SUMF1: variants seen among roughly 807,000 people sequenced by gnomAD.
SUMF1 encodes the protein formylglycine-generating enzyme.
A neutral mutation model predicts 47.6 loss-of-function variants in SUMF1; 48 were observed. The observed-to-expected ratio is 1.01, with a 90% confidence interval of 0.80 to 1.28. The LOEUF (loss-of-function observed/expected upper bound fraction) is 1.28. SUMF1 is among the 50% of genes most tolerant of loss of function. The pLI is 0.00. For missense variants in SUMF1, 571 were observed against 485.4 expected (o/e 1.18, Z -1.66); for synonymous variants, 230 against 192.1 (o/e 1.20, Z -1.63).
At chr3:4,313,636 C>A in intron 8 of SUMF1, 1 of 1,614,042 alleles carries the variant, frequency 6.2e-7, no homozygotes, top group Non-Finnish European at 8.5e-7. Flanking sequence ...TGCTTTCCTG[C>A]CTTTTGACAG....
chr3:4,126,846 G>A lies in SUMF1; in HGVS notation c.1015-58101C>T, dbSNP rs372068395. 9.5e-4 allele frequency among the ~76,000 whole-genome samples: 144 copies of A among 152,228 alleles called. 2 individuals are homozygous for A. The highest frequency in any genetic ancestry group is 1.5e-3 in the Non-Finnish European group (103 of 68,014). ...CTATCAAGAGTAACTCAATGAAAGC[G>A]GCAGTAGTCTTACCTACTTTCAATC... is the stretch of plus-strand genomic sequence containing the variant. On this transcript the variant is annotated intron_variant and NMD_transcript_variant, in intron 8 of 12. Coordinates refer to the SUMF1 transcript ENST00000448413.
intron 9 of SUMF1, among the ~76,000 whole-genome samples, chr3:4,042,655 A>T (rs772137128): frequency 5.3e-5 from 8 of 152,024 alleles, no homozygotes; most frequent in Non-Finnish European, 1.2e-4. Flanking sequence ...CTCCCTGAGT[A>T]CTCATATGGG....
chr3:4,036,994 T>C (rs1319391661), intron 9 of SUMF1, among the ~76,000 whole-genome samples: 2 of 151,896 alleles, frequency 1.3e-5, no homozygotes, highest in African/African-American at 4.8e-5. Context: ...GGTTCCAAGA[T>C]ATACACACAG....
At chr3:4,465,418 G>A (rs144498147) in intron 1 of SUMF1, among the ~76,000 whole-genome samples, 58 of 152,092 alleles carry the variant, frequency 3.8e-4, no homozygotes, top group Middle Eastern at 3.4e-3. Context: ...GGTGGAGATT[G>A]CAGTGAGCGG....
Position 4,163,713 on chromosome 3 carries a change from T to C in SUMF1, c.1015-94968A>G, listed in dbSNP as rs183409680. Among the ~76,000 whole-genome samples, 858 of 151,998 alleles carry C rather than the reference T, an allele frequency of 5.6e-3. 10 individuals are homozygous for C. Among genetic ancestry groups the C allele is most frequent in the African/African-American group, 0.02 (811 of 41,430 alleles). On this transcript the variant is annotated intron_variant and NMD_transcript_variant, in intron 8 of 12. Transcript: ENST00000448413. ...GCAGAGTTAAAACAACATCTGGGTT[T>C]CCTAACTGCCACTCCCTGTTCTTTC... is the stretch of plus-strand genomic sequence containing the variant.
chr3:4,128,881 C>A lies in SUMF1; in HGVS notation c.1015-60136G>T, dbSNP rs76177255. Reference sequence around the variant, plus strand: ...TCTGCATTTAATGTTCCAGCTCAGGCAGTTAAAAAAGGTTCTAATAGTTTA... The same window carrying A: ...TCTGCATTTAATGTTCCAGCTCAGGAAGTTAAAAAAGGTTCTAATAGTTTA... On this transcript the variant is annotated intron_variant and NMD_transcript_variant, in intron 8 of 12. Transcript: ENST00000448413. Among the ~76,000 whole-genome samples the A allele has an allele frequency of 6.8e-3, 1,036 of 152,042 alleles. 23 individuals carry two copies. Among genetic ancestry groups the A allele is most frequent in the African/African-American group, 0.024 (996 of 41,448 alleles).
intron 8 of SUMF1, among the ~76,000 whole-genome samples, chr3:4,323,447 C>A (rs1426656009): frequency 6.6e-6 from 1 of 152,130 alleles, no homozygotes; most frequent in Non-Finnish European, 1.5e-5. Context: ...GGGGGTAATG[C>A]AACATTCTAG....
At chr3:4,090,693 A>C (rs1330523266) in intron 8 of SUMF1, among the ~76,000 whole-genome samples, 1 of 152,132 alleles carries the variant, frequency 6.6e-6, no homozygotes, top group East Asian at 1.9e-4. Flanking sequence ...GGGGCTCCTG[A>C]CAATTTTCAC....
At chr3:4,453,995 T>C (rs1218614465) in intron 1 of SUMF1, among the ~76,000 whole-genome samples, 1 of 152,200 alleles carries the variant, frequency 6.6e-6, no homozygotes, top group African/African-American at 2.4e-5. Flanking sequence ...TTTATTCGCA[T>C]ATGCTTTTGT....
chr3:4,467,088 C>T lies in SUMF1; in HGVS notation c.158G>A (p.Gly53Asp). Reference protein sequence around the residue: ...AGSLAGSCGCGTPQRPGAHGS... With the variant: ...AGSLAGSCGCDTPQRPGAHGS... ...ATGGGCGCCAGGCCGCTGGGGCGTG[C>T]CGCAGCCGCAAGAACCCGCAAGGGA... The change falls in exon 1 of 9, where the codon GGC becomes GAC. Residue 53 changes from glycine (G) to aspartate (D), a missense_variant. Coordinates refer to ENST00000272902, the MANE Select transcript of SUMF1 (RefSeq NM_182760.4). 2 of 1,562,106 alleles carry T rather than the reference C, an allele frequency of 1.3e-6. No individual in the cohort carries two copies. Among genetic ancestry groups the T allele is most frequent in the East Asian group, 2.4e-5 (1 of 41,756 alleles).
chr3:4,207,055 T>C (rs1057118567), intron 8 of SUMF1, among the ~76,000 whole-genome samples: 1 of 152,150 alleles, frequency 6.6e-6, no homozygotes, highest in African/African-American at 2.4e-5. Context: ...TTTTATTATA[T>C]AGTTCTTGTA....
chr3:4,216,627 G>C (rs1332799883), intron 8 of SUMF1, among the ~76,000 whole-genome samples: 1 of 149,630 alleles, frequency 6.7e-6, no homozygotes, highest in Non-Finnish European at 1.5e-5. Flanking sequence ...GGAGAAAAAA[G>C]GGCCAATATC....
chr3:4,070,050 C>T (rs1456873022), intron 8 of SUMF1, among the ~76,000 whole-genome samples: 1 of 152,170 alleles, frequency 6.6e-6, no homozygotes, highest in Non-Finnish European at 1.5e-5. Context: ...CTCCACAATC[C>T]TTTATCTTAA....
At chr3:4,040,019 GA>G (rs1303053466) in intron 9 of SUMF1, among the ~76,000 whole-genome samples, 1 of 151,496 alleles carries the variant, frequency 6.6e-6, no homozygotes, top group Non-Finnish European at 1.5e-5. Context: ...CCTGTCTCAA[GA>G]AAAAAAATGT....
intron 8 of SUMF1, among the ~76,000 whole-genome samples, chr3:4,344,523 A>G (rs1699335232): frequency 2.6e-5 from 4 of 152,210 alleles, no homozygotes; most frequent in African/African-American, 7.2e-5. Context: ...CAAAAGCCCC[A>G]TCCAAGGGTC....
At chr3:4,175,449 T>A (rs1574951543) in intron 8 of SUMF1, among the ~76,000 whole-genome samples, 1 of 152,166 alleles carries the variant, frequency 6.6e-6, no homozygotes, top group African/African-American at 2.4e-5. Flanking sequence ...CTGAGGGACC[T>A]GACTGTTAGA....
chr3:4,433,179 A>G (rs771130248), intron 3 of SUMF1, among the ~76,000 whole-genome samples: 6 of 152,214 alleles, frequency 3.9e-5, no homozygotes, highest in East Asian at 1.9e-4. Flanking sequence ...ACAGAGTCCA[A>G]TATTCGAGGG....
intron 4 of SUMF1, among the ~76,000 whole-genome samples, 168 bp from the exon 5 acceptor site, chr3:4,418,300 C>G (rs564534222): frequency 6.6e-6 from 1 of 152,226 alleles, no homozygotes; most frequent in Non-Finnish European, 1.5e-5. Context: ...GCTCCACCAA[C>G]GGTTTCTGAC....
chr3:4,173,360 C>T (rs2587945), intron 8 of SUMF1, among the ~76,000 whole-genome samples: 16,692 of 152,124 alleles, frequency 0.11, 1,018 homozygotes, highest in South Asian at 0.25. Context: ...GAATGGTGAT[C>T]GTTAAAATGT....
Sources: gnomAD v4.1 joint callset for allele counts (sites outside exome capture counted in the v4.1 genomes callset) on GRCh38, gnomAD v4.1.1 for gene constraint, MANE v1.5 for transcripts, NCBI Gene and HGNC (gene_info 2026-07-23, HGNC 2026-07-21) for gene names.